GPC6: variants seen among roughly 807,000 people sequenced by gnomAD.
GPC6 encodes the protein glypican 6.
GPC6 carries 14 observed loss-of-function variants against 55.2 expected under a neutral mutation model. That is an observed-to-expected ratio of 0.25 (90% CI 0.17 to 0.40). GPC6 has a LOEUF of 0.40. Among genes scored for constraint, GPC6 ranks in the 10% least tolerant of loss-of-function variants. The pLI is 1.00. For missense variants in GPC6, 641 were observed against 708.5 expected, an observed-to-expected ratio of 0.90 and a Z score of 1.08; for synonymous variants, 278 against 259.6, an observed-to-expected ratio of 1.07 and a Z score of -0.68.
At chr13:93,544,815 G>A (rs965603306) in intron 1 of GPC6, among the ~76,000 whole-genome samples, 3 of 151,964 alleles carry the variant, frequency 2.0e-5, no homozygotes, top group African/African-American at 7.3e-5. Flanking sequence ...GCATACCCAG[G>A]GACAGACTTG....
chr13:94,345,837 A>T (rs912341284), intron 6 of GPC6, among the ~76,000 whole-genome samples: 4 of 152,174 alleles, frequency 2.6e-5, no homozygotes, highest in African/African-American at 9.7e-5. Flanking sequence ...AATACAAGAG[A>T]AATGTATTGT....
intron 2 of GPC6, among the ~76,000 whole-genome samples, chr13:93,642,688 A>G (rs973655299): frequency 5.9e-5 from 9 of 152,198 alleles, no homozygotes; most frequent in African/African-American, 1.9e-4. Context: ...AAGATTGGCC[A>G]GGGGCTATAC....
At chr13:93,378,171 G>T (rs1208725583) in intron 1 of GPC6, among the ~76,000 whole-genome samples, 2 of 152,282 alleles carry the variant, frequency 1.3e-5, no homozygotes, top group Non-Finnish European at 2.9e-5. Flanking sequence ...GCAAAGGATT[G>T]TACATAATTA....
chr13:93,940,463 A>G (rs1186761868), intron 3 of GPC6, among the ~76,000 whole-genome samples: 4 of 151,898 alleles, frequency 2.6e-5, no homozygotes, highest in African/African-American at 9.7e-5. Flanking sequence ...GATGAATATC[A>G]GACATAATGG....
chr13:93,823,619 T>C (rs1355693757), intron 2 of GPC6, among the ~76,000 whole-genome samples: 1 of 152,234 alleles, frequency 6.6e-6, no homozygotes, highest in Non-Finnish European at 1.5e-5. Context: ...AGTTAAAGTT[T>C]GGTATCTTTA....
intron 1 of GPC6, among the ~76,000 whole-genome samples, chr13:93,486,907 C>T (rs1477642233): frequency 6.7e-6 from 1 of 150,084 alleles, no homozygotes; most frequent in Admixed American, 6.6e-5. Context: ...ATCGTGCCAC[C>T]ATACTCCAGC....
intron 6 of GPC6, among the ~76,000 whole-genome samples, chr13:94,335,589 C>CTGT (rs1877643268): frequency 9.3e-6 from 1 of 108,006 alleles, no homozygotes; most frequent in African/African-American, 3.2e-5. Context: ...CCCTTAAACA[C>CTGT]TGTTTTAGAA....
At position 93,694,164 on chromosome 13, in the gene GPC6, C is replaced by G. The variant is rs190280325; in HGVS notation, c.320-135990C>G. ...TAATATTTCTGAAATAAAAAACATG[C>G]AACATTCCCTGTTAAGAACTCTGTA... On this transcript the variant is annotated intron_variant, in intron 2 of 8. Transcript: ENST00000377047. Among the ~76,000 whole-genome samples, 119 of 152,236 alleles carry G rather than the reference C, an allele frequency of 7.8e-4. No individual in the cohort carries two copies. The East Asian group carries it at 0.021, about 26-fold the overall frequency.
chr13:93,318,469 AC>A (rs757750607), intron 1 of GPC6, among the ~76,000 whole-genome samples: 6 of 152,184 alleles, frequency 3.9e-5, no homozygotes, highest in Non-Finnish European at 7.3e-5. Context: ...CTCCAGTTCA[AC>A]ATGGTAACAT....
intron 2 of GPC6, among the ~76,000 whole-genome samples, chr13:93,676,901 A>G (rs1881654531): frequency 6.6e-6 from 1 of 152,128 alleles, no homozygotes; most frequent in African/African-American, 2.4e-5. Flanking sequence ...ATTGCTAGAG[A>G]TGAAGCGAGG....
chr13:93,492,038 T>G (rs1325830700), intron 1 of GPC6, among the ~76,000 whole-genome samples: 17 of 141,904 alleles, frequency 1.2e-4, no homozygotes, highest in Non-Finnish European at 2.4e-4. Context: ...TTTAAAGTAG[T>G]TTTTTCCAAT....
chr13:93,845,392 A>C (rs1274218992), intron 3 of GPC6, among the ~76,000 whole-genome samples: 5 of 145,988 alleles, frequency 3.4e-5, no homozygotes, highest in Admixed American at 7.0e-5. Context: ...GTGGGACTGT[A>C]AACTAGTTCA....
intron 4 of GPC6, among the ~76,000 whole-genome samples, chr13:94,276,400 G>T (rs1892204593): frequency 6.6e-6 from 1 of 152,138 alleles, no homozygotes; most frequent in South Asian, 2.1e-4. Context: ...TCCTTGTTTA[G>T]GGGGCAGAGG....
At chr13:93,900,223 C>T (rs184725292) in intron 3 of GPC6, among the ~76,000 whole-genome samples, 28 of 152,160 alleles carry the variant, frequency 1.8e-4, no homozygotes, top group Admixed American at 3.9e-4. Context: ...ACTCTCAGAC[C>T]TAAAGAGAAT....
chr13:93,545,138 GGATGGCTGGAGAAGTA>G, intron 1 of GPC6, 109 bp from the exon 2 acceptor site: 1 of 789,510 alleles, frequency 1.3e-6, no homozygotes, highest in South Asian at 1.4e-5. Flanking sequence ...GAGTTCATGG[GGATGGCTGGAGAAGTA>G]GATGGAACAA....
intron 2 of GPC6, among the ~76,000 whole-genome samples, chr13:93,721,548 A>G (rs1424095946): frequency 6.6e-6 from 1 of 151,802 alleles, no homozygotes; most frequent in Non-Finnish European, 1.5e-5. Flanking sequence ...AATTAAAATT[A>G]AAAAGGATGA....
intron 3 of GPC6, among the ~76,000 whole-genome samples, chr13:94,003,855 C>G (rs1881910484): frequency 1.3e-5 from 2 of 152,168 alleles, no homozygotes; most frequent in African/African-American, 4.8e-5. Context: ...GGCAGTCTCA[C>G]TTTTGAAATT....
Position 93,425,574 on chromosome 13 carries a change from G to C in GPC6, c.161-119689G>C, listed in dbSNP as rs150866616. Among the ~76,000 whole-genome samples, 4 of 152,266 alleles carry C rather than the reference G, an allele frequency of 2.6e-5. No homozygotes were observed. The East Asian group carries it at 7.7e-4, about 29-fold the overall frequency. Reference sequence around the variant, plus strand: ...AATCCCAGAGTCACTGAGTTTCAAAGCTGAGAATCAGTCCTGGAGTCAAAG... The same window carrying C: ...AATCCCAGAGTCACTGAGTTTCAAACCTGAGAATCAGTCCTGGAGTCAAAG... On this transcript the variant is annotated intron_variant, in intron 1 of 8. Transcript: ENST00000377047.
chr13:94,112,676 C>T (rs766519558), intron 4 of GPC6, among the ~76,000 whole-genome samples: 67 of 152,116 alleles, frequency 4.4e-4, no homozygotes, highest in Non-Finnish European at 5.0e-4. Context: ...TGTTAAGCAT[C>T]AGTGCTATCT....
Sources: allele counts gnomAD v4.1 joint callset (sites outside exome capture counted in the v4.1 genomes callset), GRCh38; gene constraint gnomAD v4.1.1; transcripts MANE v1.5; gene names NCBI Gene and HGNC (gene_info 2026-07-23, HGNC 2026-07-21).